Variants in SOX30 observed in about 807,000 individuals in gnomAD.
SOX30 encodes SRY-box transcription factor 30.
SOX30 carries 17 observed loss-of-function variants against 58.6 expected under a neutral mutation model. That is an observed-to-expected ratio of 0.29 (90% confidence interval 0.20 to 0.44). The LOEUF (loss-of-function observed/expected upper bound fraction) is 0.44, where lower values mean the gene tolerates loss of function less well. Ranked by LOEUF, SOX30 falls within the 20% of genes least tolerant of loss-of-function variation. The pLI is 1.00. For missense variants in SOX30, 951 were observed against 965.8 expected, an observed-to-expected ratio of 0.98 and a Z score of 0.20; for synonymous variants, 421 against 400.2, an observed-to-expected ratio of 1.05 and a Z score of -0.62.
At chr5:157,633,845 C>A (rs1758866076) in intron 4 of SOX30, among the ~76,000 whole-genome samples, 1 of 152,166 alleles carries the variant, frequency 6.6e-6, no homozygotes, top group South Asian at 2.1e-4. Flanking sequence ...GTCTTCATAT[C>A]TTTTCTTTAT....
intron 2 of SOX30, among the ~76,000 whole-genome samples, chr5:157,658,598 C>T (rs925069916): frequency 2.0e-5 from 3 of 152,208 alleles, no homozygotes; most frequent in Non-Finnish European, 2.9e-5. Flanking sequence ...GACTGAGCTC[C>T]TCTCTACCCT....
chr5:157,650,773 C>A (rs892283924), intron 1 of SOX30, among the ~76,000 whole-genome samples: 9 of 152,126 alleles, frequency 5.9e-5, no homozygotes, highest in African/African-American at 1.9e-4. Flanking sequence ...AGCTGTTATA[C>A]TACAATATTT....
intron 3 of SOX30, among the ~76,000 whole-genome samples, chr5:157,645,979 C>A (rs1759181114): frequency 6.7e-6 from 1 of 149,510 alleles, no homozygotes; most frequent in African/African-American, 2.5e-5. Flanking sequence ...GAGATTGCAC[C>A]ATTGCTCCAG....
intron 2 of SOX30, 54 bp from the exon 3 acceptor site, chr5:157,646,870 AT>A (rs1390387971): frequency 6.1e-6 from 8 of 1,314,238 alleles, no homozygotes; most frequent in South Asian, 1.3e-5. Context: ...CCTTTAAATA[AT>A]TTTTTTCATA....
intron 1 of SOX30, among the ~76,000 whole-genome samples, chr5:157,669,486 TTTTATTTATTTATTTA>T (rs35157596): frequency 2.5e-4 from 34 of 136,648 alleles, no homozygotes; most frequent in Admixed American, 1.6e-3. Context: ...CGCCCATCAA[TTTTATTTATTTATTTA>T]TTTATTTATT....
chr5:157,635,567 T>C (rs1353596503), intron 4 of SOX30, among the ~76,000 whole-genome samples: 1 of 152,002 alleles, frequency 6.6e-6, no homozygotes, highest in African/African-American at 2.4e-5. Context: ...GAGGTTGCAG[T>C]GAGCCAAGAT....
At chr5:157,631,328 C>T (rs959888255) in intron 4 of SOX30, among the ~76,000 whole-genome samples, 3 of 151,950 alleles carry the variant, frequency 2.0e-5, no homozygotes, top group Non-Finnish European at 4.4e-5. Context: ...GTCCACAGAG[C>T]TCCCTGTGCT....
chr5:157,626,286 G>T lies in SOX30; in HGVS notation c.*54C>A. 2.8e-6 allele frequency: 4 copies of T among 1,410,192 alleles called. No homozygotes were observed. Among genetic ancestry groups the T allele is most frequent in the South Asian group, 1.5e-5 (1 of 66,382 alleles). The allele number at this position is 1,410,192 out of a possible 1,614,324, so 87.4% of individuals were successfully genotyped here. On this transcript the variant is annotated 3_prime_UTR_variant, in exon 5 of 5. Transcript: ENST00000265007. Reference sequence around the variant, plus strand: ...GGCTTTTTTTTTTCTCATACCAACTGACCCAGAATATATTTTAAGAAATGT... The same window carrying T: ...GGCTTTTTTTTTTCTCATACCAACTTACCCAGAATATATTTTAAGAAATGT...
rs748509515 is a variant in SOX30 at position 157,638,552 on chromosome 5, CTGTT to C, written c.1554_1557del (p.Asp520LeufsTer12). On this transcript the variant is annotated frameshift_variant, in exon 4 of 5. Transcript: ENST00000265007. LOFTEE classifies it high-confidence loss of function. ...GCTTCAGAATGCAGCTGATGAGTGTCTGTTTGGGAAGGCCCAGTAAAGCGTTGGG... is the reference window on the plus strand; with the variant it reads ...GCTTCAGAATGCAGCTGATGAGTGTCTGGGAAGGCCCAGTAAAGCGTTGGG... 1 of 1,614,090 alleles carries C rather than the reference CTGTT, an allele frequency of 6.2e-7. No homozygotes were observed. Among genetic ancestry groups the C allele is most frequent in the South Asian group, 1.1e-5 (1 of 91,084 alleles).
At chr5:157,655,877 C>T (rs1759461278), upstream of SOX30, among the ~76,000 whole-genome samples, 1 of 152,184 alleles carries the variant, frequency 6.6e-6, no homozygotes, top group South Asian at 2.1e-4. Context: ...CTGTGTCATT[C>T]TGTATTGTTC....
intron 2 of SOX30, among the ~76,000 whole-genome samples, chr5:157,660,639 C>T (rs1759561164): frequency 6.6e-6 from 1 of 151,884 alleles, no homozygotes; most frequent in Non-Finnish European, 1.5e-5. Context: ...GGATTATAGG[C>T]ATGAGTCACC....
intron 3 of SOX30, among the ~76,000 whole-genome samples, chr5:157,642,526 A>C (rs1365543410): frequency 2.0e-5 from 3 of 152,150 alleles, no homozygotes; most frequent in African/African-American, 7.2e-5. Context: ...AAAGGCTGAT[A>C]GAGATTAAAA....
chr5:157,665,900 CCT>C (rs1759660969), intron 2 of SOX30, among the ~76,000 whole-genome samples: 1 of 146,502 alleles, frequency 6.8e-6, no homozygotes, highest in Non-Finnish European at 1.5e-5. Flanking sequence ...CAGGATATTC[CCT>C]TTTTTTTTTT....
At chr5:157,629,823 A>T (rs1758745760) in intron 4 of SOX30, among the ~76,000 whole-genome samples, 2 of 152,302 alleles carry the variant, frequency 1.3e-5, no homozygotes, top group Non-Finnish European at 2.9e-5. Flanking sequence ...AAGTGATATA[A>T]TTAGTAAGTG....
chr5:157,644,069 T>G (rs1473315374), intron 3 of SOX30, among the ~76,000 whole-genome samples: 1 of 152,242 alleles, frequency 6.6e-6, no homozygotes, highest in African/African-American at 2.4e-5. Flanking sequence ...ATAAATTTCA[T>G]GATTTACTGT....
chr5:157,667,931 C>A, intron 1 of SOX30: 1 of 1,428,146 alleles, frequency 7.0e-7, no homozygotes, highest in South Asian at 1.3e-5. Flanking sequence ...CTCATTCATT[C>A]CCCACAACAA....
chr5:157,661,011 T>A (rs1159899990), intron 2 of SOX30, among the ~76,000 whole-genome samples: 1 of 152,252 alleles, frequency 6.6e-6, no homozygotes, highest in African/African-American at 2.4e-5. Context: ...TGTACTGTCC[T>A]GTACTTCTTT....
chr5:157,668,532 CCATCCATCCACT>C lies in SOX30; in HGVS notation c.-3-692_-3-681del, dbSNP rs1239794574. 2.0e-5 allele frequency among the ~76,000 whole-genome samples: 3 copies of C among 152,238 alleles called. No homozygotes were observed. The East Asian group carries it at 5.8e-4, about 29-fold the overall frequency. On this transcript the variant is annotated intron_variant, in intron 1 of 5. Transcript: ENST00000519442. ...CCAATCCATCCATCCATCCACTCAT[CCATCCATCCACT>C]CATCCATCCAACCACTCATCCATCC... is the stretch of plus-strand genomic sequence containing the variant.
At chr5:157,644,918 C>T (rs539552072) in intron 3 of SOX30, among the ~76,000 whole-genome samples, 1 of 152,202 alleles carries the variant, frequency 6.6e-6, no homozygotes, top group African/African-American at 2.4e-5. Context: ...GCGTCAGAGG[C>T]TGCAGTGAGC....
Sources: allele counts gnomAD v4.1 joint callset (sites outside exome capture counted in the v4.1 genomes callset), GRCh38; gene constraint gnomAD v4.1.1; transcripts MANE v1.5; gene names NCBI Gene and HGNC (gene_info 2026-07-23, HGNC 2026-07-21).